Variants in FRMPD3 observed in about 807,000 individuals in gnomAD.
The protein encoded by FRMPD3 is FERM and PDZ domain containing 3, also known as FERM and PDZ domain-containing protein 3.
A neutral mutation model predicts 97.9 loss-of-function variants in FRMPD3; 42 were observed. The ratio of observed to expected loss-of-function variants is 0.43; its 90% CI spans 0.34 to 0.55. The LOEUF (loss-of-function observed/expected upper bound fraction) is 0.55, where lower values mean the gene tolerates loss of function less well. FRMPD3 is among the 20% of genes least tolerant of loss of function. The pLI is 0.03. For synonymous variants in FRMPD3, 577 were observed against 581.1 expected (o/e 0.99, Z 0.10); for missense variants, 1,303 against 1,457.7 (o/e 0.89, Z 1.73).
At chrX:107,541,985 T>C (rs1329495308) in intron 4 of FRMPD3, among the ~76,000 whole-genome samples, 2 of 112,858 alleles carry the variant, frequency 1.8e-5, no homozygotes, top group Non-Finnish European at 3.8e-5. Context: ...TGCCTCGTTC[T>C]ACACACTGTG....
intron 1 of FRMPD3, among the ~76,000 whole-genome samples, chrX:107,460,961 G>A (rs1329726353): frequency 8.9e-6 from 1 of 111,867 alleles, no homozygotes; most frequent in Non-Finnish European, 1.9e-5. Flanking sequence ...CTCACTGACA[G>A]AGGAAAAAGA....
rs373805434 is a variant in FRMPD3, at chrX:107,600,865, G to A, written c.2826G>A (p.Lys942=). The change falls in exon 15 of 15, where the codon AAG becomes AAA. Residue 942 remains lysine (K), a synonymous_variant. Transcript: ENST00000683843. ...NLPKEVRLSP[K]LILDPKSSVT... ...CCAAGGAGGTCAGGTTGAGCCCCAA[G>A]CTTATCCTCGACCCAAAGAGCAGTG... is the stretch of plus-strand genomic sequence containing the variant. 6.5e-5 allele frequency: 78 copies of A among 1,207,384 alleles called. 1 individual carries two copies. In the African/African-American group the frequency reaches 1.2e-3, roughly 19 times the overall value.
At chrX:107,466,999 T>C (rs1048130334) in intron 1 of FRMPD3, among the ~76,000 whole-genome samples, 6 of 107,417 alleles carry the variant, frequency 5.6e-5, no homozygotes, top group African/African-American at 1.7e-4. Context: ...GGTGTGTGTG[T>C]GTGTGTGTGT....
At chrX:107,456,900 G>T (rs776762201) in intron 1 of FRMPD3, among the ~76,000 whole-genome samples, 1 of 111,570 alleles carries the variant, frequency 9.0e-6, no homozygotes, top group East Asian at 2.8e-4. Context: ...TTTTTTTCTC[G>T]CTTTGGCATA....
intron 13 of FRMPD3, among the ~76,000 whole-genome samples, chrX:107,586,454 G>A (rs772046585): frequency 9.7e-6 from 1 of 103,189 alleles, no homozygotes; most frequent in Non-Finnish European, 2.0e-5. Flanking sequence ...CTTCAATTCT[G>A]CTCTGATCTT....
intron 1 of FRMPD3, among the ~76,000 whole-genome samples, chrX:107,452,181 C>T (rs1432719838): frequency 1.8e-5 from 2 of 111,717 alleles, no homozygotes; most frequent in African/African-American, 3.3e-5. Flanking sequence ...AGTTTGTGGA[C>T]AACCTCATCT....
Position 107,602,456 on chromosome X carries a change from G to A in FRMPD3, c.4417G>A (p.Glu1473Lys), listed in dbSNP as rs967128990. ...ACAGATGGCCGTGTTCTCACTGCCC[G>A]AGGAGGTGTACCGGAAGCCTGCCGA... is the stretch of plus-strand genomic sequence containing the variant. ...PRQMAVFSLP[E>K]EVYRKPAELD... The change falls in exon 15 of 15, where the codon GAG becomes AAG. Residue 1473 changes from glutamate to lysine, a missense_variant. Physicochemically the swap from Glu to Lys is moderately conservative, Grantham distance 56 (BLOSUM62 1). Around this residue, in one of 3 missense-constraint regions of FRMPD3, gnomAD observed 764 missense variants for 820.2 expected, o/e 0.93. Transcript: ENST00000683843. 5.0e-6 allele frequency: 6 copies of A among 1,211,273 alleles called. No homozygotes were observed. The highest frequency in any genetic ancestry group is 3.4e-5 in the African/African-American group (2 of 58,012).
chrX:107,568,905 A>AAGAG lies in FRMPD3; in HGVS notation c.1296+3860_1296+3863dup, dbSNP rs112583276. Among the ~76,000 whole-genome samples the AAGAG allele has an allele frequency of 1.8e-4, 19 of 103,235 alleles. No individual in the cohort carries two copies. In the South Asian group the frequency reaches 2.2e-3, roughly 12 times the overall value. 89.6% of individuals were successfully genotyped at this position (103,235 alleles called of 115,157 possible). A position where few individuals can be genotyped will look rare whatever the true frequency, so the allele number is the denominator to read the frequency against. ...GAGACCCTGTTCTCCACAAAAATGAAAGAGAGAGAGAGAGAGAGAGAGAGG... is the reference window on the plus strand; with the variant it reads ...GAGACCCTGTTCTCCACAAAAATGAAAGAGAGAGAGAGAGAGAGAGAGAGAGAGG... On this transcript the variant is annotated intron_variant, in intron 12 of 14. Coordinates refer to ENST00000683843, the MANE Select transcript of FRMPD3 (RefSeq NM_001388459.1).
At chrX:107,564,330 T>A (rs1012123754) in intron 11 of FRMPD3, among the ~76,000 whole-genome samples, 1 of 112,608 alleles carries the variant, frequency 8.9e-6, no homozygotes, top group African/African-American at 3.2e-5. Flanking sequence ...AAGGCAAATC[T>A]CTGCTTAACG....
At chrX:107,553,297 C>G (rs1921941868) in intron 7 of FRMPD3, among the ~76,000 whole-genome samples, 1 of 107,386 alleles carries the variant, frequency 9.3e-6, no homozygotes, top group African/African-American at 3.4e-5. Flanking sequence ...ATGGAAGGGT[C>G]AGGGAGTGGA....
chrX:107,492,198 C>T (rs1018076074), intron 1 of FRMPD3, among the ~76,000 whole-genome samples: 2 of 111,854 alleles, frequency 1.8e-5, no homozygotes, highest in Non-Finnish European at 3.8e-5. Flanking sequence ...GTGAATGTGG[C>T]AGGATAGTAA....
intron 12 of FRMPD3, among the ~76,000 whole-genome samples, chrX:107,571,380 CAAAAATTTCATTTTTCTCT>C: frequency 9.0e-6 from 1 of 111,256 alleles, no homozygotes; most frequent in South Asian, 3.7e-4. Flanking sequence ...TTTCTCTTGG[CAAAAATTTCATTTTTCTCT>C]TGGCAAAAAG....
chrX:107,566,500 A>C (rs181393300), intron 12 of FRMPD3, among the ~76,000 whole-genome samples: 218 of 112,167 alleles, frequency 1.9e-3, no homozygotes, highest in Middle Eastern at 9.3e-3. Flanking sequence ...ATGGACGGGC[A>C]GAGAAGGGGG....
chrX:107,538,003 G>C (rs1054144917), intron 4 of FRMPD3, among the ~76,000 whole-genome samples: 1 of 111,292 alleles, frequency 9.0e-6, no homozygotes, highest in Non-Finnish European at 1.9e-5. Flanking sequence ...GGATGAAGAC[G>C]ATAGGGGGCA....
chrX:107,536,419 T>A (rs964632779), intron 4 of FRMPD3, among the ~76,000 whole-genome samples: 1 of 111,374 alleles, frequency 9.0e-6, no homozygotes, highest in Non-Finnish European at 1.9e-5. Context: ...GGGGATTGAC[T>A]TTCTTCACTT....
At chrX:107,481,409 T>C (rs1461981182) in intron 1 of FRMPD3, among the ~76,000 whole-genome samples, 1 of 112,144 alleles carries the variant, frequency 8.9e-6, no homozygotes, top group Non-Finnish European at 1.9e-5. Context: ...CAATGTTGCT[T>C]TGCTAGACCT....
intron 1 of FRMPD3, among the ~76,000 whole-genome samples, chrX:107,502,714 T>C (rs1921943877): frequency 8.9e-6 from 1 of 112,402 alleles, no homozygotes; most frequent in Non-Finnish European, 1.9e-5. Context: ...CAAATCTTCA[T>C]AGAGAAATGG....
intron 11 of FRMPD3, among the ~76,000 whole-genome samples, chrX:107,564,545 C>T (rs956771280): frequency 1.8e-5 from 2 of 112,113 alleles, no homozygotes; most frequent in African/African-American, 3.2e-5. Context: ...ATGGAAAGCC[C>T]CTGGGGCTTG....
At chrX:107,487,866 C>T (rs1005320626) in intron 1 of FRMPD3, among the ~76,000 whole-genome samples, 28 of 112,323 alleles carry the variant, frequency 2.5e-4, no homozygotes, top group African/African-American at 8.4e-4. Context: ...CCCGAATAAC[C>T]ATTCACCCAA....
Sources: allele counts gnomAD v4.1 joint callset (sites outside exome capture counted in the v4.1 genomes callset), GRCh38; gene constraint gnomAD v4.1.1; regional missense constraint gnomAD v4.1.1; transcripts MANE v1.5; gene names NCBI Gene and HGNC (gene_info 2026-07-23, HGNC 2026-07-21).